The following OPCML variants were observed in gnomAD, a reference collection of about 807,000 sequenced individuals.
The protein encoded by OPCML is opioid binding protein/cell adhesion molecule like.
A neutral mutation model predicts 37.8 loss-of-function variants in OPCML; 13 were observed. That is an observed-to-expected ratio of 0.34 (90% CI 0.22 to 0.55). The LOEUF is 0.55. Ranked by LOEUF, OPCML falls within the 20% of genes least tolerant of loss-of-function variation. OPCML has a pLI of 0.91. For missense variants in OPCML, 341 were observed against 435.6 expected (o/e 0.78, Z 1.93); for synonymous variants, 176 against 168.8 (o/e 1.04, Z -0.33).
chr11:132,919,958 A>C (rs1234544133), intron 2 of OPCML, among the ~76,000 whole-genome samples: 1 of 152,210 alleles, frequency 6.6e-6, no homozygotes, highest in Non-Finnish European at 1.5e-5. Context: ...ATTGAGACAG[A>C]AAGTATTTGA....
At chr11:132,850,533 GTGT>G (rs999964525) in intron 2 of OPCML, among the ~76,000 whole-genome samples, 4 of 152,116 alleles carry the variant, frequency 2.6e-5, no homozygotes, top group African/African-American at 4.8e-5. Context: ...GTGTGTGTGT[GTGT>G]GTGTGTGTGT....
At chr11:132,628,444 C>A (rs1939878983) in intron 3 of OPCML, among the ~76,000 whole-genome samples, 1 of 152,284 alleles carries the variant, frequency 6.6e-6, no homozygotes, top group East Asian at 1.9e-4. Flanking sequence ...GCTTTGGCAT[C>A]TGGGGTCTTG....
intron 3 of OPCML, among the ~76,000 whole-genome samples, chr11:132,571,181 GACTCTGGGACTTAACACC>G (rs1367818752): frequency 6.6e-6 from 1 of 151,950 alleles, no homozygotes; most frequent in Non-Finnish European, 1.5e-5. Context: ...TTGGCCTTTG[GACTCTGGGACTTAACACC>G]AGTGGTTTGC....
intron 1 of OPCML, among the ~76,000 whole-genome samples, chr11:133,018,836 T>C (rs1256446511): frequency 3.9e-5 from 6 of 152,238 alleles, no homozygotes; most frequent in African/African-American, 7.2e-5. Context: ...CGGCCGCAGC[T>C]GATGCGGCTT....
At chr11:133,342,280 G>A (rs148877846) in intron 1 of OPCML, among the ~76,000 whole-genome samples, 156 of 152,246 alleles carry the variant, frequency 1.0e-3, no homozygotes, top group Non-Finnish European at 1.4e-3. Context: ...AAGCACACTA[G>A]CAAACAGGGC....
chr11:132,855,262 C>T (rs767316465), intron 2 of OPCML, among the ~76,000 whole-genome samples: 1 of 152,120 alleles, frequency 6.6e-6, no homozygotes, highest in African/African-American at 2.4e-5. Flanking sequence ...CAGAGGTGGA[C>T]TCAATGCGCA....
intron 2 of OPCML, among the ~76,000 whole-genome samples, chr11:132,711,645 T>C (rs1018581846): frequency 3.9e-5 from 6 of 152,160 alleles, no homozygotes; most frequent in Admixed American, 6.6e-5. Flanking sequence ...CATAGAACCA[T>C]TGCGTGTGAG....
At chr11:133,387,040 C>G (rs1945070666) in intron 1 of OPCML, among the ~76,000 whole-genome samples, 1 of 152,230 alleles carries the variant, frequency 6.6e-6, no homozygotes, top group South Asian at 2.1e-4. Flanking sequence ...GCCCCCAACT[C>G]CGGTATTTTG....
Position 132,437,331 on chromosome 11 carries a change from C to T in OPCML, c.534G>A (p.Glu178=). The change falls in exon 5 of 8, where the codon GAG becomes GAA. Residue 178 remains glutamate, a synonymous_variant. Coordinates refer to ENST00000524381, the MANE Select transcript of OPCML (RefSeq NM_001012393.5). ...KEGQGFVSED[E]YLEISDIKRD... is the part of the protein sequence containing the mutation. ...GCTTGATGTCAGAGATCTCCAGGTACTCATCCTCACTTACAAAGCCCTGGC... is the reference window on the plus strand; with the variant it reads ...GCTTGATGTCAGAGATCTCCAGGTATTCATCCTCACTTACAAAGCCCTGGC... The T allele has an allele frequency of 6.2e-7, 1 of 1,614,212 alleles. No individual in the cohort carries two copies. The highest frequency in any genetic ancestry group is 8.5e-7 in the Non-Finnish European group (1 of 1,180,040).
At chr11:132,835,767 G>A (rs1234070606) in intron 2 of OPCML, among the ~76,000 whole-genome samples, 1 of 152,186 alleles carries the variant, frequency 6.6e-6, no homozygotes, top group East Asian at 1.9e-4. Context: ...CAAGTGAACG[G>A]CGGTGCCCTT....
intron 1 of OPCML, among the ~76,000 whole-genome samples, chr11:133,118,995 G>C (rs11822969): frequency 4.6e-5 from 7 of 152,330 alleles, no homozygotes; most frequent in African/African-American, 1.7e-4. Flanking sequence ...CTGGCTTTCT[G>C]TGTGAGGCTC....
chr11:133,458,851 G>GTGTGTGTGTATATACACATAGATGCACT (rs1565646086), intron 1 of OPCML, among the ~76,000 whole-genome samples: 5 of 146,636 alleles, frequency 3.4e-5, no homozygotes, highest in Non-Finnish European at 7.5e-5. Context: ...ATAGATGCAC[G>GTGTGTGTGTATATACACATAGATGCACT]TGTGTGTGTA....
rs139502255 is a variant in OPCML at position 132,812,836 on chromosome 11, G to A, written c.146+130090C>T. On this transcript the variant is annotated intron_variant, in intron 2 of 7. Coordinates refer to ENST00000524381, the MANE Select transcript of OPCML (RefSeq NM_001012393.5). ...TGAGGGCAGGAGCCTGCTTTTACTAGTACTTTTCTGTATCTCCCTAGCACT... is the reference window on the plus strand; with the variant it reads ...TGAGGGCAGGAGCCTGCTTTTACTAATACTTTTCTGTATCTCCCTAGCACT... 3.4e-4 allele frequency among the ~76,000 whole-genome samples: 52 copies of A among 152,252 alleles called. No homozygotes were observed. In the East Asian group the frequency reaches 9.8e-3, roughly 29 times the overall value.
At chr11:132,662,551 G>A (rs1942029586) in intron 2 of OPCML, among the ~76,000 whole-genome samples, 1 of 152,160 alleles carries the variant, frequency 6.6e-6, no homozygotes, top group Non-Finnish European at 1.5e-5. Context: ...ACTACACCTA[G>A]TGAGAGACAA....
intron 1 of OPCML, among the ~76,000 whole-genome samples, chr11:133,320,475 G>A (rs1943303183): frequency 6.6e-6 from 1 of 152,032 alleles, no homozygotes; most frequent in African/African-American, 2.4e-5. Flanking sequence ...CTAACTCAGA[G>A]GTTCTTGTTG....
intron 3 of OPCML, among the ~76,000 whole-genome samples, chr11:132,643,160 CCAGCTTCTCGGGAAGCTG>C (rs1940956589): frequency 6.6e-6 from 1 of 152,118 alleles, no homozygotes; most frequent in Non-Finnish European, 1.5e-5. Flanking sequence ...GCCTGTAATC[CCAGCTTCTCGGGAAGCTG>C]AGGCATGAGA....
intron 1 of OPCML, among the ~76,000 whole-genome samples, chr11:132,965,638 T>C (rs1490557446): frequency 6.6e-6 from 1 of 152,166 alleles, no homozygotes; most frequent in Non-Finnish European, 1.5e-5. Flanking sequence ...GTTCAAGCGA[T>C]TCTCCTGCCT....
chr11:133,458,751 A>G (rs1946780023), intron 1 of OPCML, among the ~76,000 whole-genome samples: 5 of 136,742 alleles, frequency 3.7e-5, no homozygotes, highest in African/African-American at 1.8e-4. Flanking sequence ...GTGTGTGTAT[A>G]TATACACATA....
chr11:133,133,612 C>T (rs1949637800), intron 1 of OPCML, among the ~76,000 whole-genome samples: 1 of 152,062 alleles, frequency 6.6e-6, no homozygotes, highest in Non-Finnish European at 1.5e-5. Context: ...GTAGTAGCTC[C>T]CCTCTCTTTC....
Sources: allele counts gnomAD v4.1 joint callset (sites outside exome capture counted in the v4.1 genomes callset), GRCh38; gene constraint gnomAD v4.1.1; transcripts MANE v1.5; gene names NCBI Gene and HGNC (gene_info 2026-07-23, HGNC 2026-07-21).